TRPM3: variants seen among roughly 807,000 people sequenced by gnomAD.
The protein encoded by TRPM3 is transient receptor potential cation channel subfamily M member 3.
Under a neutral mutation model 181.2 loss-of-function variants are expected in TRPM3, and 77 were observed. The ratio of observed to expected loss-of-function variants is 0.42; its 90% CI spans 0.35 to 0.51. The LOEUF is 0.51. TRPM3 is among the 20% of genes least tolerant of loss of function. The pLI, the probability that TRPM3 is intolerant of heterozygous loss-of-function variation, is 0.01. For missense variants in TRPM3, 1,759 were observed against 2,196.7 expected (o/e 0.80, Z 3.98); for synonymous variants, 745 against 796.4 (o/e 0.94, Z 1.09).
At chr9:71,264,349 G>A (rs1588188482) in intron 1 of TRPM3, among the ~76,000 whole-genome samples, 2 of 152,174 alleles carry the variant, frequency 1.3e-5, no homozygotes, top group East Asian at 3.9e-4. Context: ...TGTACTATCT[G>A]ATGTAAGTAG....
intron 12 of TRPM3, among the ~76,000 whole-genome samples, chr9:70,629,176 T>G (rs997032977): frequency 1.8e-5 from 2 of 113,258 alleles, no homozygotes; most frequent in African/African-American, 6.8e-5. Context: ...TTATGTTTGG[T>G]CAGCCCTGAA....
chr9:71,284,531 C>T (rs1310332508), intron 1 of TRPM3, among the ~76,000 whole-genome samples: 1 of 152,170 alleles, frequency 6.6e-6, no homozygotes, highest in Non-Finnish European at 1.5e-5. Context: ...CTAATAAACG[C>T]AGTACTGTTA....
chr9:70,918,416 T>C (rs2096623053), intron 1 of TRPM3, among the ~76,000 whole-genome samples: 1 of 152,068 alleles, frequency 6.6e-6, no homozygotes, highest in Non-Finnish European at 1.5e-5. Context: ...TGAGATAGTA[T>C]TAAGCATCTT....
intron 1 of TRPM3, among the ~76,000 whole-genome samples, chr9:70,953,277 T>TA (rs1430212789): frequency 6.6e-6 from 1 of 152,180 alleles, no homozygotes; most frequent in Non-Finnish European, 1.5e-5. Flanking sequence ...GCCCTGAACA[T>TA]AAGGGTGGAT....
chr9:70,956,296 CTTTTTTTTTTT>C (rs537484746), intron 1 of TRPM3, among the ~76,000 whole-genome samples: 33 of 97,150 alleles, frequency 3.4e-4, no homozygotes, highest in Admixed American at 1.3e-3. Flanking sequence ...AGAAATACAC[CTTTTTTTTTTT>C]TTTTTTTTTT....
chr9:71,335,697 C>T (rs1002431343), intron 1 of TRPM3, among the ~76,000 whole-genome samples: 3 of 151,940 alleles, frequency 2.0e-5, no homozygotes, highest in African/African-American at 7.3e-5. Flanking sequence ...GAGTTATTTC[C>T]CACAGACTTA....
intron 22 of TRPM3, among the ~76,000 whole-genome samples, chr9:70,567,634 G>C (rs978759406): frequency 6.6e-6 from 1 of 150,424 alleles, no homozygotes; most frequent in South Asian, 2.1e-4. Flanking sequence ...ATAGACCTGT[G>C]GGAAAATCCT....
Position 70,620,375 on chromosome 9 carries a change from C to T in TRPM3, c.1840-10G>A. On this transcript the variant is annotated splice_polypyrimidine_tract_variant and intron_variant, in intron 15 of 25. Coordinates refer to ENST00000677713, the MANE Select transcript of TRPM3 (RefSeq NM_001366145.2). ...TCAAGGGAATATCATCCTGTAATTA[C>T]AGGGAAACCACACAGACTGAGTTAG... 5 of 1,599,998 alleles carry T rather than the reference C, an allele frequency of 3.1e-6. No individual in the cohort carries two copies. The Middle Eastern group carries it at 5.1e-4, about 164-fold the overall frequency.
intron 1 of TRPM3, among the ~76,000 whole-genome samples, chr9:71,151,280 A>G (rs912865419): frequency 6.3e-4 from 96 of 152,266 alleles, no homozygotes; most frequent in African/African-American, 2.2e-3. Context: ...CCAATATGGA[A>G]AGAGTTTCAG....
At position 70,537,023 on chromosome 9, in the gene TRPM3, T is replaced by G. The variant is rs1193084175; in HGVS notation, c.4090A>C (p.Lys1364Gln). 1 of 1,610,518 alleles carries G rather than the reference T, an allele frequency of 6.2e-7. No homozygotes were observed. The highest frequency in any genetic ancestry group is 8.5e-7 in the Non-Finnish European group (1 of 1,176,946). ...VNMKDKGGIE[K>Q]LESIFKERSL... is the part of the protein sequence containing the mutation. ...CTTTCTTTAAAAATACTTTCCAACTTTTCTATACCACCTTTGTCTTTCATA... is the reference window on the plus strand; with the variant it reads ...CTTTCTTTAAAAATACTTTCCAACTGTTCTATACCACCTTTGTCTTTCATA... The change falls in exon 26 of 26, where the codon AAG (lysine) becomes CAG (glutamine). Residue 1364 changes from lysine (K) to glutamine (Q), a missense_variant. This residue lies in a region of TRPM3 where 612 missense variants were observed against 590.0 expected (regional missense o/e 1.04). Coordinates refer to ENST00000677713, the MANE Select transcript of TRPM3 (RefSeq NM_001366145.2).
At chr9:71,403,007 T>A (rs940724186) in intron 1 of TRPM3, among the ~76,000 whole-genome samples, 10 of 152,214 alleles carry the variant, frequency 6.6e-5, no homozygotes, top group African/African-American at 2.4e-4. Context: ...GTTCTTCATC[T>A]TATGAAAGAT....
At chr9:70,646,577 G>C (rs984297414) in intron 9 of TRPM3, among the ~76,000 whole-genome samples, 1 of 152,066 alleles carries the variant, frequency 6.6e-6, no homozygotes, top group African/African-American at 2.4e-5. Flanking sequence ...AGGGGGTGAG[G>C]GGCTAGGGGA....
intron 1 of TRPM3, among the ~76,000 whole-genome samples, chr9:71,354,102 C>T (rs564660036): frequency 2.0e-4 from 30 of 152,218 alleles, no homozygotes; most frequent in African/African-American, 6.5e-4. Context: ...TTCCTCTCTC[C>T]GCTCCTGAAA....
chr9:70,593,056 T>G (rs771863586), intron 21 of TRPM3, among the ~76,000 whole-genome samples: 1 of 152,194 alleles, frequency 6.6e-6, no homozygotes, highest in Non-Finnish European at 1.5e-5. Flanking sequence ...AGAGTGTCTG[T>G]TATTGGAATT....
At chr9:71,302,801 G>A (rs1156395684) in intron 1 of TRPM3, among the ~76,000 whole-genome samples, 1 of 151,578 alleles carries the variant, frequency 6.6e-6, no homozygotes. Context: ...AAGGAAGGAA[G>A]GAAGAAAGAA....
At chr9:71,381,018 G>T (rs1334172186) in intron 1 of TRPM3, among the ~76,000 whole-genome samples, 2 of 152,090 alleles carry the variant, frequency 1.3e-5, no homozygotes, top group African/African-American at 4.8e-5. Flanking sequence ...CACAAGTTAA[G>T]ATAAGCAAGT....
intron 1 of TRPM3, among the ~76,000 whole-genome samples, chr9:70,890,230 G>C (rs2096176365): frequency 6.6e-6 from 1 of 151,366 alleles, no homozygotes; most frequent in Admixed American, 6.6e-5. Context: ...AGAAAGTTAA[G>C]AGATATAACA....
At chr9:70,694,841 A>G (rs181888674) in intron 8 of TRPM3, among the ~76,000 whole-genome samples, 55 of 152,276 alleles carry the variant, frequency 3.6e-4, no homozygotes, top group African/African-American at 1.3e-3. Flanking sequence ...TGTTGTTCAT[A>G]TGTTTTTCGG....
chr9:70,767,439 T>A (rs1039800787), intron 7 of TRPM3, among the ~76,000 whole-genome samples: 2 of 152,228 alleles, frequency 1.3e-5, no homozygotes, highest in Non-Finnish European at 2.9e-5. Flanking sequence ...GAAAAAGTTG[T>A]ATGCCATGTA....
Sources: allele counts gnomAD v4.1 joint callset (sites outside exome capture counted in the v4.1 genomes callset), GRCh38; gene constraint gnomAD v4.1.1; regional missense constraint gnomAD v4.1.1; transcripts MANE v1.5; gene names NCBI Gene and HGNC (gene_info 2026-07-23, HGNC 2026-07-21).